Variants in DYNC2H1 observed in about 807,000 individuals in gnomAD.
DYNC2H1 encodes the protein cytoplasmic dynein 2 heavy chain 1.
In DYNC2H1, 410 loss-of-function variants were observed where a neutral mutation model predicts 570.0. The ratio of observed to expected loss-of-function variants is 0.72; its 90% confidence interval spans 0.66 to 0.78. DYNC2H1 has a LOEUF of 0.78. DYNC2H1 is among the 30% of genes least tolerant of loss of function. DYNC2H1 has a pLI of 0.00. For synonymous variants in DYNC2H1, 1,688 were observed against 1,677.6 expected (o/e 1.01, Z -0.15); for missense variants, 4,865 against 5,046.4 (o/e 0.96, Z 1.09).
chr11:103,447,373 C>T (rs1461384439), intron 85 of DYNC2H1, among the ~76,000 whole-genome samples: 1 of 124,400 alleles, frequency 8.0e-6, no homozygotes, highest in Non-Finnish European at 1.7e-5. Flanking sequence ...TAAAGTTAAA[C>T]AAGGTAAAAA....
At chr11:103,140,153 C>G (rs1321633896) in intron 17 of DYNC2H1, among the ~76,000 whole-genome samples, 1 of 152,098 alleles carries the variant, frequency 6.6e-6, no homozygotes, top group Non-Finnish European at 1.5e-5. Flanking sequence ...ACTGATGGGT[C>G]TTGACTCTTT....
chr11:103,250,342 T>C (rs1476337688), intron 65 of DYNC2H1, among the ~76,000 whole-genome samples: 2 of 152,066 alleles, frequency 1.3e-5, no homozygotes, highest in Non-Finnish European at 2.9e-5. Context: ...AATACCAACT[T>C]TCAATTTTTA....
intron 20 of DYNC2H1, among the ~76,000 whole-genome samples, chr11:103,149,195 A>T (rs1860402562): frequency 1.3e-5 from 2 of 152,232 alleles, no homozygotes; most frequent in Non-Finnish European, 2.9e-5. Context: ...AGTAAACTTA[A>T]ATAATTCATA....
At chr11:103,405,866 A>G (rs1028689607) in intron 84 of DYNC2H1, 1 of 152,030 alleles carries the variant, frequency 6.6e-6, no homozygotes, top group Non-Finnish European at 1.5e-5. Flanking sequence ...TGGCTGAGTA[A>G]GCATTAGACT....
At position 103,468,582 on chromosome 11, in the gene DYNC2H1, A is replaced by G. The variant is rs763483193; in HGVS notation, c.12649-7A>G. 10 of 1,607,016 alleles carry G rather than the reference A, an allele frequency of 6.2e-6. No homozygotes were observed. In the East Asian group the frequency reaches 1.3e-4, roughly 22 times the overall value. On this transcript the variant is annotated splice_polypyrimidine_tract_variant and splice_region_variant and intron_variant, in intron 87 of 88. Coordinates refer to ENST00000375735, the MANE Select transcript of DYNC2H1 (RefSeq NM_001377.3). The stretch of plus-strand genomic sequence containing the variant: ...ATATTTTCATGACATATTTGTTTCC[A>G]TGGCAGATCAGTGGCTTGTTACTAG...
chr11:103,390,275 C>T (rs527509966), intron 83 of DYNC2H1, among the ~76,000 whole-genome samples: 72 of 151,442 alleles, frequency 4.8e-4, no homozygotes, highest in African/African-American at 1.7e-3. Context: ...CTCTTTTGAT[C>T]TTTGTTGGCT....
At position 103,261,790 on chromosome 11, in the gene DYNC2H1, T is replaced by C. The variant is rs1379963801; in HGVS notation, c.10695+1813T>C. 6.6e-6 allele frequency among the ~76,000 whole-genome samples: 1 copy of C among 152,098 alleles called. No individual in the cohort carries two copies. Among genetic ancestry groups the C allele is most frequent in the Non-Finnish European group, 1.5e-5 (1 of 68,014 alleles). ...AATTCCAAAAACCAGAATGCCTCTT[T>C]TTCTCCAAAGGATCACAACTCCTTG... On this transcript the variant is annotated intron_variant, in intron 70 of 88. Transcript: ENST00000375735. The surrounding 1 kb of genome is among the most constrained non-coding windows in gnomAD (Gnocchi z 4.8).
intron 87 of DYNC2H1, among the ~76,000 whole-genome samples, chr11:103,459,958 C>CCAAAAA (rs1555140355): frequency 2.8e-5 from 2 of 70,854 alleles, no homozygotes; most frequent in African/African-American, 6.5e-5. Context: ...GACTCCGTCT[C>CCAAAAA]AAAAAAAAAA....
intron 83 of DYNC2H1, among the ~76,000 whole-genome samples, chr11:103,366,692 C>T (rs1244022251): frequency 6.6e-6 from 1 of 152,018 alleles, no homozygotes; most frequent in East Asian, 1.9e-4. Context: ...CTAGTTGACT[C>T]CTCTGTGAAA....
At position 103,188,565 on chromosome 11, in the gene DYNC2H1, G is replaced by A. The variant is rs371948128; in HGVS notation, c.7209G>A (p.Val2403=). The change falls in exon 44 of 89, where the codon GTG becomes GTA. Residue 2403 remains valine (V), a synonymous_variant. Coordinates refer to ENST00000375735, the MANE Select transcript of DYNC2H1 (RefSeq NM_001377.3). The part of the protein sequence containing the change: ...EWVGLENIQI[V]ASMSAGGRLG... The stretch of plus-strand genomic sequence containing the variant: ...TTGGTCTAGAAAATATTCAAATTGT[G>A]GCTTCTATGTCAGCTGGAGGAAGAC... 1.7e-4 allele frequency: 275 copies of A among 1,610,552 alleles called. No individual in the cohort carries two copies. Among genetic ancestry groups the A allele is most frequent in the Non-Finnish European group, 2.2e-4 (259 of 1,177,960 alleles).
intron 39 of DYNC2H1, 38 bp downstream of exon 39, chr11:103,179,271 ATTCTTT>A: frequency 6.4e-7 from 1 of 1,561,366 alleles, no homozygotes; most frequent in Non-Finnish European, 8.8e-7. Flanking sequence ...ATATTAGAAT[ATTCTTT>A]TACTGTCCTG....
chr11:103,319,773 G>C lies in DYNC2H1; in HGVS notation c.11726-1256G>C, dbSNP rs1938068287. Among the ~76,000 whole-genome samples, 1 of 152,194 alleles carries C rather than the reference G, an allele frequency of 6.6e-6. No individual in the cohort carries two copies. The highest frequency in any genetic ancestry group is 2.4e-5 in the African/African-American group (1 of 41,524). On this transcript the variant is annotated intron_variant, in intron 80 of 88. Coordinates refer to ENST00000375735, the MANE Select transcript of DYNC2H1 (RefSeq NM_001377.3). This position sits in a 1 kb window ranked among gnomAD's most constrained non-coding sequence, Gnocchi z 4.3. ...CACTAATATGTCTGTATTCCTTAAT[G>C]ACTTATCAATGACTGGCTAACTTAT...
At chr11:103,282,272 A>G (rs1866172902) in intron 72 of DYNC2H1, 43 bp downstream of exon 72, 4 of 1,583,444 alleles carry the variant, frequency 2.5e-6, no homozygotes, top group Non-Finnish European at 2.6e-6. Context: ...TAAAGAAAAT[A>G]TTTCTGGCTT....
chr11:103,307,417 A>G (rs1867343204), intron 77 of DYNC2H1, among the ~76,000 whole-genome samples: 1 of 152,106 alleles, frequency 6.6e-6, no homozygotes, highest in African/African-American at 2.4e-5. Context: ...ATTCTTTGTG[A>G]TAGGTGCTAT....
In DYNC2H1 at chr11:103,186,760, CAA is replaced by C. The variant is rs200752422; in HGVS notation, c.6893+272_6893+273del. ...AAAATTATCCGTCCATATAATACAG[CAA>C]AAAAAAAAAAAAGAATGCCTTATAT... On this transcript the variant is annotated intron_variant, in intron 42 of 88. Transcript: ENST00000375735. This position sits in a 1 kb window ranked among gnomAD's most constrained non-coding sequence, Gnocchi z 4.5. 2.1e-4 allele frequency among the ~76,000 whole-genome samples: 28 copies of C among 136,192 alleles called. No individual in the cohort carries two copies. Among genetic ancestry groups the C allele is most frequent in the Admixed American group, 3.0e-4 (4 of 13,340 alleles). The allele number at this position is 136,192 out of a possible 152,430, so 89.3% of individuals were successfully genotyped here.
chr11:103,262,282 A>G (rs187393688), intron 70 of DYNC2H1, among the ~76,000 whole-genome samples: 1 of 152,346 alleles, frequency 6.6e-6, no homozygotes, highest in East Asian at 1.9e-4. Flanking sequence ...AGTCTTCAGG[A>G]TATTATCCAG....
chr11:103,111,608 A>G (rs577844645), intron 1 of DYNC2H1, among the ~76,000 whole-genome samples: 3 of 152,346 alleles, frequency 2.0e-5, no homozygotes, highest in African/African-American at 7.2e-5. Context: ...AAGTTCGGAT[A>G]GAATGCAGTA....
chr11:103,188,462 T>C, intron 43 of DYNC2H1, 35 bp from the exon 44 acceptor site: 1 of 1,465,578 alleles, frequency 6.8e-7, no homozygotes, highest in Non-Finnish European at 9.2e-7. Context: ...AAATCTTAGA[T>C]AAAAAACGTT....
At chr11:103,191,724 T>A (rs1862323046) in intron 46 of DYNC2H1, 105 bp downstream of exon 46, 2 of 470,716 alleles carry the variant, frequency 4.2e-6, no homozygotes, top group Non-Finnish European at 3.5e-6. Context: ...TATCACAAGT[T>A]ATATTATTAA....
Sources: gnomAD v4.1 joint callset for allele counts (sites outside exome capture counted in the v4.1 genomes callset) on GRCh38, gnomAD v4.1.1 for gene constraint, Gnocchi (gnomAD v3.1) non-coding constraint, MANE v1.5 for transcripts, NCBI Gene and HGNC (gene_info 2026-07-23, HGNC 2026-07-21) for gene names.